The following SLC66A2 variants were observed in gnomAD, a reference collection of about 807,000 sequenced individuals.
The protein encoded by SLC66A2 is solute carrier family 66 member 2, also known as PQ loop repeat containing 1.
SLC66A2 carries 23 observed loss-of-function variants against 25.5 expected under a neutral mutation model. The ratio of observed to expected loss-of-function variants is 0.90; its 90% CI spans 0.65 to 1.28. The LOEUF (loss-of-function observed/expected upper bound fraction) is 1.28. SLC66A2 is among the 50% of genes most tolerant of loss of function. The pLI is 0.00. For synonymous variants in SLC66A2, 193 were observed against 166.5 expected (o/e 1.16, Z -1.23); for missense variants, 396 against 373.1 (o/e 1.06, Z -0.51).
At chr18:79,947,089 C>T (rs1313289625) in intron 2 of SLC66A2, among the ~76,000 whole-genome samples, 1 of 152,170 alleles carries the variant, frequency 6.6e-6, no homozygotes, top group African/African-American at 2.4e-5. Flanking sequence ...TTCATTCCTC[C>T]ATCTAAGAGT....
chr18:79,909,409 T>C (rs1004244214), intron 5 of SLC66A2, among the ~76,000 whole-genome samples: 1 of 152,026 alleles, frequency 6.6e-6, no homozygotes, highest in African/African-American at 2.4e-5. Flanking sequence ...CTCACCACGA[T>C]GTACCCAACC....
At chr18:79,923,036 C>T (rs1031706728) in intron 4 of SLC66A2, among the ~76,000 whole-genome samples, 10 of 151,642 alleles carry the variant, frequency 6.6e-5, no homozygotes, top group Non-Finnish European at 1.5e-4. Flanking sequence ...GAGTGAGACG[C>T]TGCTCGGCAT....
In SLC66A2 at chr18:79,918,645, T is replaced by C. The variant is rs762106822; in HGVS notation, c.608+539A>G. ...TGCTGCTCGCGTTGTGCCCTACCTC[T>C]GGCGGTCACGGGGACGTCCAGGCAC... On this transcript the variant is annotated intron_variant, in intron 5 of 5. Coordinates refer to ENST00000397778, the MANE Select transcript of SLC66A2 (RefSeq NM_025078.5). The surrounding 1 kb of genome is among the most constrained non-coding windows in gnomAD (Gnocchi z 4.0). 6.6e-6 allele frequency among the ~76,000 whole-genome samples: 1 copy of C among 152,232 alleles called. No homozygotes were observed. Among genetic ancestry groups the C allele is most frequent in the African/African-American group, 2.4e-5 (1 of 41,454 alleles).
Position 79,944,047 on chromosome 18 carries a change from C to T in SLC66A2, c.204-585G>A, listed in dbSNP as rs956204833. ...CCAGACTCCAGGTGGGGTAGGGCTC[C>T]GGGGAGGGGCCGTAAGACCCCCATA... On this transcript the variant is annotated intron_variant, in intron 2 of 5. Transcript: ENST00000397778. 18 of 157,790 alleles carry T rather than the reference C, an allele frequency of 1.1e-4. No homozygotes were observed. In the East Asian group the frequency reaches 3.3e-3, roughly 29 times the overall value. The allele number at this position is 157,790 out of a possible 1,614,324, so 9.8% of individuals were successfully genotyped here.
At chr18:79,908,093 T>G (rs1180158653) in intron 5 of SLC66A2, among the ~76,000 whole-genome samples, 1 of 152,152 alleles carries the variant, frequency 6.6e-6, no homozygotes, top group Non-Finnish European at 1.5e-5. Context: ...TTTTGCTAAC[T>G]TTCACACATA....
rs1045689218 is a variant in SLC66A2, at chr18:79,903,106, G to A, written c.*870C>T. ...AAGATGGACATCAAAACTGCATCCGGAGGTGCAGTCTGCACCCAGAAGGAA... is the reference window on the plus strand; with the variant it reads ...AAGATGGACATCAAAACTGCATCCGAAGGTGCAGTCTGCACCCAGAAGGAA... On this transcript the variant is annotated 3_prime_UTR_variant, in exon 6 of 6. Coordinates refer to ENST00000397778, the MANE Select transcript of SLC66A2 (RefSeq NM_025078.5). The A allele has an allele frequency of 6.6e-6, 1 of 152,408 alleles. No individual in the cohort carries two copies. Among genetic ancestry groups the A allele is most frequent in the Admixed American group, 6.5e-5 (1 of 15,294 alleles). 9.4% of individuals were successfully genotyped at this position (152,408 alleles called of 1,614,324 possible). A position where few individuals can be genotyped will look rare whatever the true frequency, so the allele number is the denominator to read the frequency against.
At position 79,927,233 on chromosome 18, in the gene SLC66A2, T is replaced by C. The variant is rs1338908090; in HGVS notation, c.391+6736A>G. ...AACAGGCACTGCCCAGACCCGGAGC[T>C]GCAGGCAGGGCTCAGCAGGACCCCA... On this transcript the variant is annotated intron_variant, in intron 4 of 5. Transcript: ENST00000397778. The surrounding 1 kb of genome is among the most constrained non-coding windows in gnomAD (Gnocchi z 6.2). Among the ~76,000 whole-genome samples, 1 of 151,906 alleles carries C rather than the reference T, an allele frequency of 6.6e-6. No individual in the cohort carries two copies. Among genetic ancestry groups the C allele is most frequent in the Non-Finnish European group, 1.5e-5 (1 of 68,004 alleles).
At position 79,950,959 on chromosome 18, in the gene SLC66A2, C is replaced by A; in HGVS notation, c.-33G>T. ...CCCGCCTGGCCGAGGCTGTCACGGG[C>A]TCCGCGCCCCGCGGGCCACCGGCCG... On this transcript the variant is annotated 5_prime_UTR_variant, in exon 2 of 6. Transcript: ENST00000397778. 1.4e-6 allele frequency: 2 copies of A among 1,460,468 alleles called. No individual in the cohort carries two copies. Among genetic ancestry groups the A allele is most frequent in the Non-Finnish European group, 1.8e-6 (2 of 1,103,690 alleles). 90.5% of individuals were successfully genotyped at this position (1,460,468 alleles called of 1,614,324 possible).
intron 5 of SLC66A2, among the ~76,000 whole-genome samples, chr18:79,911,814 A>G (rs1983179228): frequency 8.2e-6 from 1 of 121,610 alleles, no homozygotes; most frequent in Non-Finnish European, 1.7e-5. Context: ...GGCAGCAGGG[A>G]GGGGATGGAG....
At chr18:79,911,700 A>AC (rs1201359347) in intron 5 of SLC66A2, among the ~76,000 whole-genome samples, 1 of 151,582 alleles carries the variant, frequency 6.6e-6, no homozygotes, top group East Asian at 1.9e-4. Context: ...GCCATCCCCC[A>AC]CCCCCCTAGC....
At chr18:79,942,536 C>T in intron 3 of SLC66A2, among the ~76,000 whole-genome samples, 1 of 152,306 alleles carries the variant, frequency 6.6e-6, no homozygotes, top group South Asian at 2.1e-4. Context: ...CCAAACTTAA[C>T]AAACTCTGGG....
In SLC66A2 at chr18:79,921,708, A is replaced by G. The variant is rs62101195; in HGVS notation, c.392-2308T>C. Reference sequence around the variant, plus strand: ...AGAGATGGAACCGAGTGAGAGGTCAAGGTCAGTGGGGAGAGACAGGAACCG... The same window carrying G: ...AGAGATGGAACCGAGTGAGAGGTCAGGGTCAGTGGGGAGAGACAGGAACCG... On this transcript the variant is annotated intron_variant, in intron 4 of 5. Coordinates refer to ENST00000397778, the MANE Select transcript of SLC66A2 (RefSeq NM_025078.5). 2.5e-3 allele frequency among the ~76,000 whole-genome samples: 44 copies of G among 17,792 alleles called. 1 individual carries two copies. Among genetic ancestry groups the G allele is most frequent in the Non-Finnish European group, 6.0e-3 (25 of 4,138 alleles). The allele number at this position is 17,792 out of a possible 152,430, so 11.7% of individuals were successfully genotyped here. A position where few individuals can be genotyped will look rare whatever the true frequency, so the allele number is the denominator to read the frequency against.
rs1341376160 is a variant in SLC66A2 at position 79,943,481 on chromosome 18, G to A, written c.204-19C>T. On this transcript the variant is annotated intron_variant, in intron 2 of 5. Coordinates refer to ENST00000397778, the MANE Select transcript of SLC66A2 (RefSeq NM_025078.5). ...TCCAAACCTGCGGGAGAGACACTGT[G>A]TCAGGAGGGAGGTCCACCCATGCCA... is the stretch of plus-strand genomic sequence containing the variant. 1.9e-6 allele frequency: 3 copies of A among 1,609,560 alleles called. No individual in the cohort carries two copies. The highest frequency in any genetic ancestry group is 8.5e-7 in the Non-Finnish European group (1 of 1,176,848).
rs1304932249 is a variant in SLC66A2, at chr18:79,904,959, C to T, written c.609-776G>A. On this transcript the variant is annotated intron_variant, in intron 5 of 5. Transcript: ENST00000397778. The surrounding 1 kb of genome is among the most constrained non-coding windows in gnomAD (Gnocchi z 6.3). ...GACAGAAAGGACAGGACACAGCCCTCCCCCACCCTGGGGCGTCCGTCCCGC... is the reference window on the plus strand; with the variant it reads ...GACAGAAAGGACAGGACACAGCCCTTCCCCACCCTGGGGCGTCCGTCCCGC... 1.3e-5 allele frequency among the ~76,000 whole-genome samples: 2 copies of T among 152,204 alleles called. No individual in the cohort carries two copies. Among genetic ancestry groups the T allele is most frequent in the Admixed American group, 1.3e-4 (2 of 15,288 alleles).
In SLC66A2 at chr18:79,942,867, G is replaced by A. The variant is rs558484085; in HGVS notation, c.337+462C>T. Among the ~76,000 whole-genome samples the A allele has an allele frequency of 4.0e-3, 604 of 152,322 alleles. 4 individuals are homozygous for A. The highest frequency in any genetic ancestry group is 7.0e-3 in the Non-Finnish European group (475 of 68,022). On this transcript the variant is annotated intron_variant, in intron 3 of 5. Transcript: ENST00000397778. ...AAAGGGGCTGCCTGACCCTGCGGGG[G>A]GACTCTGGGTCTGTTTAACAAGGTC...
intron 4 of SLC66A2, among the ~76,000 whole-genome samples, chr18:79,933,730 T>C (rs8094756): frequency 0.9 from 136,351 of 152,222 alleles, 63,047 homozygotes; most frequent in East Asian, 1. Flanking sequence ...GTCTCCCTCC[T>C]GCTTCCCCTT....
Position 79,904,519 on chromosome 18 carries a change from C to A in SLC66A2, c.609-336G>T, listed in dbSNP as rs948554769. Among the ~76,000 whole-genome samples, 9 of 152,142 alleles carry A rather than the reference C, an allele frequency of 5.9e-5. No homozygotes were observed. The highest frequency in any genetic ancestry group is 2.2e-4 in the African/African-American group (9 of 41,434). ...GGCTGGGGCTCTGCAAGCCCAAGAA[C>A]AGTGAGACCAGCTCGAGGCTACAGG... On this transcript the variant is annotated intron_variant, in intron 5 of 5. Transcript: ENST00000397778. This position sits in a 1 kb window ranked among gnomAD's most constrained non-coding sequence, Gnocchi z 6.3.
intron 5 of SLC66A2, among the ~76,000 whole-genome samples, chr18:79,909,802 T>C (rs1193538918): frequency 2.0e-4 from 15 of 74,692 alleles, no homozygotes; most frequent in South Asian, 5.6e-4. Context: ...TTCCCCACCA[T>C]CTCACAAGAG....
intron 4 of SLC66A2, among the ~76,000 whole-genome samples, chr18:79,923,892 C>G (rs555704753): frequency 1.3e-5 from 2 of 152,052 alleles, no homozygotes; most frequent in South Asian, 2.1e-4. Context: ...AAAAAATTAG[C>G]AGGGTGTGGT....
Sources: allele counts gnomAD v4.1 joint callset (sites outside exome capture counted in the v4.1 genomes callset), GRCh38; gene constraint gnomAD v4.1.1; non-coding constraint Gnocchi (gnomAD v3.1); transcripts MANE v1.5; gene names NCBI Gene and HGNC (gene_info 2026-07-23, HGNC 2026-07-21).